The following SORL1 variants were observed in gnomAD, a reference collection of about 807,000 sequenced individuals.
The protein encoded by SORL1 is sortilin-related receptor.
Under a neutral mutation model 273.7 loss-of-function variants are expected in SORL1, and 127 were observed. That is an observed-to-expected ratio of 0.46 (90% CI 0.40 to 0.54). The LOEUF (loss-of-function observed/expected upper bound fraction) is 0.54, where lower values mean the gene tolerates loss of function less well. SORL1 is among the 20% of genes least tolerant of loss of function. SORL1 has a pLI of 0.00. For missense variants in SORL1, 2,494 were observed against 2,846.1 expected, an observed-to-expected ratio of 0.88 and a Z score of 2.81; for synonymous variants, 1,031 against 1,067.4, an observed-to-expected ratio of 0.97 and a Z score of 0.66.
chr11:121,462,252 T>C (rs1861011404), intron 1 of SORL1, among the ~76,000 whole-genome samples: 1 of 152,208 alleles, frequency 6.6e-6, no homozygotes. Flanking sequence ...AATTCCACTT[T>C]CTCCTGGCCA....
At chr11:121,610,093 T>A (rs891715229) in intron 38 of SORL1, 9 of 152,274 alleles carry the variant, frequency 5.9e-5, no homozygotes, top group African/African-American at 2.2e-4. Context: ...ACAGACCTCT[T>A]CAGACTTTGA....
chr11:121,603,315 G>A (rs1863421758), intron 32 of SORL1, among the ~76,000 whole-genome samples: 1 of 152,214 alleles, frequency 6.6e-6, no homozygotes, highest in Non-Finnish European at 1.5e-5. Context: ...GTGTGAATCT[G>A]TATAAGGAAG....
At chr11:121,465,675 G>A (rs758897736) in intron 1 of SORL1, among the ~76,000 whole-genome samples, 12 of 152,118 alleles carry the variant, frequency 7.9e-5, no homozygotes, top group South Asian at 2.1e-4. Flanking sequence ...CTACAGGCAC[G>A]TGCCACCGTG....
In SORL1 at chr11:121,621,226, A is replaced by G; in HGVS notation, c.6052A>G (p.Lys2018Glu). The change falls in exon 44 of 48, where the codon AAA becomes GAA. Residue 2018 changes from lysine to glutamate, a missense_variant. Coordinates refer to ENST00000260197, the MANE Select transcript of SORL1 (RefSeq NM_003105.6). ...LGNMSKDSSI[K>E]ITTVSLSAPD... ...GAACATGAGCAAAGATTCCAGCATA[A>G]AAATTACCACAGGTAAGCAGGAGAG... The G allele has an allele frequency of 6.2e-7, 1 of 1,614,068 alleles. No individual in the cohort carries two copies. Among genetic ancestry groups the G allele is most frequent in the Non-Finnish European group, 8.5e-7 (1 of 1,179,962 alleles).
At chr11:121,464,854 C>T (rs1473965893) in intron 1 of SORL1, among the ~76,000 whole-genome samples, 2 of 152,150 alleles carry the variant, frequency 1.3e-5, no homozygotes, top group Non-Finnish European at 2.9e-5. Context: ...ACCCAGTCCA[C>T]AGCCTGCCTC....
rs763501327 is a variant in SORL1 at position 121,543,701 on chromosome 11, C to T, written c.1839C>T (p.Leu613=). 6.2e-7 allele frequency: 1 copy of T among 1,613,572 alleles called. No homozygotes were observed. Among genetic ancestry groups the T allele is most frequent in the East Asian group, 2.2e-5 (1 of 44,874 alleles). The change falls in exon 13 of 48, where the codon CTC becomes CTT. Residue 613 remains leucine, a synonymous_variant. Transcript: ENST00000260197. The stretch of plus-strand genomic sequence containing the variant: ...AGAATGTCCACAGCTGGCTGATCCT[C>T]CAGGTCAATGCCACGGATGCCTTGG... ...NKENVHSWLI[L]QVNATDALGV...
At chr11:121,541,985 G>A (rs779320138) in intron 12 of SORL1, among the ~76,000 whole-genome samples, 13 of 152,190 alleles carry the variant, frequency 8.5e-5, no homozygotes, top group Non-Finnish European at 1.8e-4. Flanking sequence ...TGGAAAAACC[G>A]TATAACGAAC....
At chr11:121,599,561 C>T (rs1619545) in intron 32 of SORL1, among the ~76,000 whole-genome samples, 9 of 152,062 alleles carry the variant, frequency 5.9e-5, no homozygotes, top group African/African-American at 2.2e-4. Flanking sequence ...AAAAATAAAC[C>T]AAATAAATTC....
intron 12 of SORL1, among the ~76,000 whole-genome samples, chr11:121,536,782 G>A (rs987942974): frequency 1.3e-5 from 2 of 151,992 alleles, no homozygotes; most frequent in Non-Finnish European, 1.5e-5. Flanking sequence ...TTCAACAAGC[G>A]TTTATGAATA....
In SORL1 at chr11:121,611,146, G is replaced by A; in HGVS notation, c.5310G>A (p.Glu1770=). The change falls in exon 39 of 48, where the codon GAG becomes GAA. Residue 1770 remains glutamate (E), a synonymous_variant. Coordinates refer to ENST00000260197, the MANE Select transcript of SORL1 (RefSeq NM_003105.6). ...ATCTAAGCTTCACCCTGACCATGGA[G>A]AGTGATATCAAGGTAATGTGGGAAT... ...ENYLSFTLTM[E]SDIKVNGYVV... The A allele has an allele frequency of 6.2e-7, 1 of 1,609,482 alleles. No individual in the cohort carries two copies. Among genetic ancestry groups the A allele is most frequent in the Non-Finnish European group, 8.5e-7 (1 of 1,175,860 alleles).
chr11:121,590,695 C>A (rs1863197821), intron 30 of SORL1: 3 of 649,112 alleles, frequency 4.6e-6, no homozygotes, highest in Non-Finnish European at 8.3e-6. Context: ...CTCTTAGCCA[C>A]CCTGTGCCTC....
At position 121,586,334 on chromosome 11, in the gene SORL1, G is replaced by T; in HGVS notation, c.3814+5G>T. ...GCTCCGATGAACAGCACTGCGGTGAGTTCATTCCTTGCCCCCAGGAAGCAC... is the reference window on the plus strand; with the variant it reads ...GCTCCGATGAACAGCACTGCGGTGATTTCATTCCTTGCCCCCAGGAAGCAC... On this transcript the variant is annotated splice_donor_5th_base_variant and intron_variant, in intron 27 of 47. Coordinates refer to ENST00000260197, the MANE Select transcript of SORL1 (RefSeq NM_003105.6). 1 of 1,609,590 alleles carries T rather than the reference G, an allele frequency of 6.2e-7. No homozygotes were observed. Among genetic ancestry groups the T allele is most frequent in the Non-Finnish European group, 8.5e-7 (1 of 1,175,804 alleles).
intron 34 of SORL1, 78 bp from the exon 35 acceptor site, chr11:121,605,324 A>AT: frequency 6.3e-7 from 1 of 1,576,976 alleles, no homozygotes; most frequent in Non-Finnish European, 8.7e-7. Context: ...GGCATGCACC[A>AT]TGCTATTAAC....
At chr11:121,605,985 C>T (rs955278424) in intron 35 of SORL1, among the ~76,000 whole-genome samples, 7 of 152,240 alleles carry the variant, frequency 4.6e-5, no homozygotes, top group South Asian at 2.1e-4. Flanking sequence ...GCAGTGGAGG[C>T]GCAATCACTG....
intron 31 of SORL1, among the ~76,000 whole-genome samples, chr11:121,594,698 G>A (rs994630204): frequency 1.3e-5 from 2 of 152,200 alleles, no homozygotes; most frequent in Admixed American, 1.3e-4. Flanking sequence ...TTGGGGGTTA[G>A]GGCTCTGTTT....
At chr11:121,598,556 C>T (rs934937813) in intron 32 of SORL1, among the ~76,000 whole-genome samples, 1 of 152,178 alleles carries the variant, frequency 6.6e-6, no homozygotes, top group Non-Finnish European at 1.5e-5. Context: ...GCATTCTTGT[C>T]TTCCTTTTCA....
At chr11:121,601,787 A>G (rs1205393268) in intron 32 of SORL1, among the ~76,000 whole-genome samples, 1 of 152,124 alleles carries the variant, frequency 6.6e-6, no homozygotes, top group African/African-American at 2.4e-5. Flanking sequence ...AGAAACCTCC[A>G]ACGTCCTCAG....
intron 30 of SORL1, chr11:121,590,492 C>T (rs1248807421): frequency 2.6e-5 from 13 of 501,640 alleles, no homozygotes; most frequent in Non-Finnish European, 3.9e-5. Context: ...CTGACCTCAC[C>T]CCAGACCTAC....
chr11:121,613,526 A>G (rs1020832143), intron 40 of SORL1, among the ~76,000 whole-genome samples: 14 of 152,130 alleles, frequency 9.2e-5, no homozygotes, highest in African/African-American at 3.1e-4. Flanking sequence ...AGAGACTACA[A>G]ATGTTCTATT....
Sources: allele counts gnomAD v4.1 joint callset (sites outside exome capture counted in the v4.1 genomes callset), GRCh38; gene constraint gnomAD v4.1.1; transcripts MANE v1.5; gene names NCBI Gene and HGNC (gene_info 2026-07-23, HGNC 2026-07-21).